Variants in MEGF8 observed in about 807,000 individuals in gnomAD.
MEGF8 encodes multiple epidermal growth factor-like domains protein 8.
Under a neutral mutation model 302.9 loss-of-function variants are expected in MEGF8, and 156 were observed. The observed-to-expected ratio is 0.52, with a 90% CI of 0.45 to 0.59. MEGF8 has a LOEUF of 0.59. Among genes scored for constraint, MEGF8 ranks in the 20% least tolerant of loss-of-function variants. MEGF8 has a pLI of 0.00. For missense variants in MEGF8, 3,345 were observed against 3,964.5 expected (o/e 0.84, Z 4.20); for synonymous variants, 1,621 against 1,660.5 (o/e 0.98, Z 0.58).
chr19:42,329,556 C>G (rs1198858022), intron 1 of MEGF8, among the ~76,000 whole-genome samples: 1 of 152,184 alleles, frequency 6.6e-6, no homozygotes, highest in East Asian at 1.9e-4. Flanking sequence ...ACATCTTCCT[C>G]TATCTATTAT....
At chr19:42,335,893 C>T (rs2039120736) in intron 5 of MEGF8, 38 bp from the exon 6 acceptor site, 5 of 1,437,120 alleles carry the variant, frequency 3.5e-6, no homozygotes, top group Middle Eastern at 2.5e-4. Flanking sequence ...GGCTCTCTTG[C>T]TGTGTCTCTA....
intron 31 of MEGF8, 116 bp downstream of exon 31, chr19:42,359,358 GCTCC>G: frequency 1.1e-6 from 1 of 920,274 alleles, no homozygotes; most frequent in Non-Finnish European, 1.5e-6. Context: ...CACTGGCAGA[GCTCC>G]CGCTCTTCTG....
chr19:42,343,121 C>T (rs192250477), intron 8 of MEGF8, among the ~76,000 whole-genome samples: 18 of 152,216 alleles, frequency 1.2e-4, no homozygotes, highest in African/African-American at 3.6e-4. Context: ...TCCCTGAGGA[C>T]GAGATGATGG....
intron 31 of MEGF8, 32 bp downstream of exon 31, chr19:42,359,274 AG>A: frequency 6.6e-7 from 1 of 1,512,654 alleles, no homozygotes; most frequent in Non-Finnish European, 8.9e-7. Context: ...CAGGAGGCTG[AG>A]GGACATCCAG....
At chr19:42,359,646 T>C (rs577931914) in intron 31 of MEGF8, among the ~76,000 whole-genome samples, 5 of 152,012 alleles carry the variant, frequency 3.3e-5, no homozygotes, top group Non-Finnish European at 7.4e-5. Flanking sequence ...TCTGGGACTG[T>C]CTCCTTTTCT....
chr19:42,346,259 CAA>C (rs2039287069), intron 12 of MEGF8, among the ~76,000 whole-genome samples: 1 of 152,122 alleles, frequency 6.6e-6, no homozygotes. Context: ...ACAGTGACAT[CAA>C]AAGTCATTGG....
At chr19:42,374,242 G>A (rs142945634) in intron 41 of MEGF8, among the ~76,000 whole-genome samples, 5 of 152,136 alleles carry the variant, frequency 3.3e-5, no homozygotes, top group Non-Finnish European at 5.9e-5. Context: ...AGGCTGAGGC[G>A]GGCAGATCAC....
chr19:42,376,377 G>A lies in MEGF8; in HGVS notation c.8140G>A (p.Ala2714Thr), dbSNP rs548176972. The change falls in exon 42 of 42, where the codon GCC (alanine) becomes ACC (threonine). Residue 2714 changes from alanine (A) to threonine (T), a missense_variant. By Grantham distance (58) the Ala-to-Thr change is moderately conservative. Transcript: ENST00000251268. The surrounding 1 kb of genome is among the most constrained non-coding windows in gnomAD (Gnocchi z 8.2). ...FPPDPTAPAS[A>T]WKPAGLPPPA... ...ACCTGACCCTACTGCCCCGGCCTCC[G>A]CCTGGAAGCCGGCTGGGCTCCCACC... 6 of 1,613,166 alleles carry A rather than the reference G, an allele frequency of 3.7e-6. No individual in the cohort carries two copies. The highest frequency in any genetic ancestry group is 2.2e-5 in the East Asian group (1 of 44,866).
At chr19:42,327,044 T>C (rs1685564) in intron 1 of MEGF8, among the ~76,000 whole-genome samples, 1,768 of 152,324 alleles carry the variant, frequency 0.012, 43 homozygotes, top group African/African-American at 0.041. Context: ...GGTGGTTTTC[T>C]TTCTCTGAGG....
In MEGF8 at chr19:42,376,076, CCTG is replaced by C. The variant is rs769425498; in HGVS notation, c.7849_7851del (p.Leu2617del). 1.9e-6 allele frequency: 3 copies of C among 1,605,898 alleles called. No homozygotes were observed. Among genetic ancestry groups the C allele is most frequent in the Non-Finnish European group, 8.5e-7 (1 of 1,179,350 alleles). The stretch of plus-strand genomic sequence containing the variant: ...ATGCCCTCAAGTCGAGCCGCTTCTA[CCTG>C]CTGCTGCTGGGCGTGGGAGACCCAA... On this transcript the variant is annotated inframe_deletion, in exon 42 of 42. Coordinates refer to ENST00000251268, the MANE Select transcript of MEGF8 (RefSeq NM_001271938.2). The surrounding 1 kb of genome is among the most constrained non-coding windows in gnomAD (Gnocchi z 8.2).
Position 42,376,524 on chromosome 19 carries a change from C to G in MEGF8, c.8287C>G (p.Leu2763Val). The G allele has an allele frequency of 6.4e-7, 1 of 1,572,920 alleles. No homozygotes were observed. ...AGCCATCCCCGCCACCACTGCTGGG[C>G]TGCGAGCTGGGCCCATCACTCTCGA... ...PPAIPATTAG[L>V]RAGPITLEPT... Residue 2763 changes from leucine (L) to valine (V), a missense_variant, in exon 42 of 42, where the codon CTG becomes GTG. Transcript: ENST00000251268. The surrounding 1 kb of genome is among the most constrained non-coding windows in gnomAD (Gnocchi z 8.2).
rs1324802571 is a variant in MEGF8, at chr19:42,345,574, C to T, written c.2097+741C>T. Among the ~76,000 whole-genome samples the T allele has an allele frequency of 3.9e-5, 6 of 152,310 alleles. No individual in the cohort carries two copies. In the Middle Eastern group the frequency reaches 0.014, roughly 345 times the overall value. On this transcript the variant is annotated intron_variant, in intron 12 of 41. Transcript: ENST00000251268. ...TTTGTGTCTGGCTTCTTTCACTCAG[C>T]GTAATGTTTTCAAGGCTCATTCATT...
At chr19:42,328,970 G>A (rs1398064093) in intron 1 of MEGF8, among the ~76,000 whole-genome samples, 1 of 152,100 alleles carries the variant, frequency 6.6e-6, no homozygotes, top group African/African-American at 2.4e-5. Context: ...GGAGGGGTGG[G>A]GTGGATGTAC....
chr19:42,326,404 A>G lies in MEGF8; in HGVS notation c.161A>G (p.Asn54Ser), dbSNP rs1433737242. 15 of 1,570,118 alleles carry G rather than the reference A, an allele frequency of 9.6e-6. No individual in the cohort carries two copies. In the Admixed American group the frequency reaches 1.6e-4, roughly 16 times the overall value. ...VTDGAGNYSVNGNCEWLIEAP... is the reference protein window; with the variant it reads ...VTDGAGNYSVSGNCEWLIEAP... ...GATGGTGCGGGCAACTACAGCGTCA[A>G]TGGCAACTGCGAGTGGCTCATCGAG... Residue 54 changes from asparagine (N) to serine (S), a missense_variant, in exon 1 of 42, where the codon AAT (asparagine) becomes AGT (serine). Physicochemically the swap from Asn to Ser is conservative, Grantham distance 46 (BLOSUM62 1). Coordinates refer to ENST00000251268, the MANE Select transcript of MEGF8 (RefSeq NM_001271938.2).
chr19:42,367,553 G>T (rs2039626403), intron 35 of MEGF8, among the ~76,000 whole-genome samples: 1 of 152,142 alleles, frequency 6.6e-6, no homozygotes, highest in Non-Finnish European at 1.5e-5. Flanking sequence ...CTCCCAAAGT[G>T]CTGGGATTAC....
At position 42,326,129 on chromosome 19, in the gene MEGF8, C is replaced by A; in HGVS notation, c.-115C>A. On this transcript the variant is annotated 5_prime_UTR_variant, in exon 1 of 42. It introduces an in-frame stop codon into an upstream open reading frame of the 5' UTR. Coordinates refer to ENST00000251268, the MANE Select transcript of MEGF8 (RefSeq NM_001271938.2). ...GGGTCTCCGGGACCTCTTCGATCTA[C>A]AAGGTCATGTTATGCCTATAGAGGT... is the stretch of plus-strand genomic sequence containing the variant. The A allele has an allele frequency of 7.3e-7, 1 of 1,363,606 alleles. No individual in the cohort carries two copies. Among genetic ancestry groups the A allele is most frequent in the Non-Finnish European group, 9.5e-7 (1 of 1,058,188 alleles). 84.5% of individuals were successfully genotyped at this position (1,363,606 alleles called of 1,614,324 possible). A position where few individuals can be genotyped will look rare whatever the true frequency, so the allele number is the denominator to read the frequency against.
chr19:42,356,548 A>C lies in MEGF8; in HGVS notation c.4622+95A>C. On this transcript the variant is annotated intron_variant, in intron 26 of 41. Coordinates refer to ENST00000251268, the MANE Select transcript of MEGF8 (RefSeq NM_001271938.2). The surrounding 1 kb of genome is among the most constrained non-coding windows in gnomAD (Gnocchi z 5.2). ...TCAGAGGAGTGCAGAAAAGCCTCTAAGGTAAAGGACAGCCCAAAGGATGCT... is the reference window on the plus strand; with the variant it reads ...TCAGAGGAGTGCAGAAAAGCCTCTACGGTAAAGGACAGCCCAAAGGATGCT... 9.1e-7 allele frequency: 1 copy of C among 1,104,602 alleles called. No individual in the cohort carries two copies. The highest frequency in any genetic ancestry group is 1.3e-6 in the Non-Finnish European group (1 of 789,784). 68.4% of individuals were successfully genotyped at this position (1,104,602 alleles called of 1,614,324 possible).
At chr19:42,330,485 G>A (rs923680773) in intron 1 of MEGF8, among the ~76,000 whole-genome samples, 5 of 152,234 alleles carry the variant, frequency 3.3e-5, no homozygotes, top group African/African-American at 7.2e-5. Context: ...TTGTGTGGCC[G>A]TGCTGAATGG....
rs2147476590 is a variant in MEGF8 at position 42,351,651 on chromosome 19, A to G, written c.2991A>G (p.Val997=). 2 of 1,589,730 alleles carry G rather than the reference A, an allele frequency of 1.3e-6. No individual in the cohort carries two copies. Among genetic ancestry groups the G allele is most frequent in the Non-Finnish European group, 1.7e-6 (2 of 1,168,720 alleles). The change falls in exon 18 of 42, where the codon GTA becomes GTG. Residue 997 remains valine (V), a synonymous_variant. Transcript: ENST00000251268. This position sits in a 1 kb window ranked among gnomAD's most constrained non-coding sequence, Gnocchi z 5.6. ...HGGCRGWDDS[V]HSEPRCRSCD... ...CCCCACCCCTGCCATCCTGCAGTGT[A>G]CACTCGGAGCCACGGTGCCGGAGCT...
Sources: allele counts gnomAD v4.1 joint callset (sites outside exome capture counted in the v4.1 genomes callset), GRCh38; gene constraint gnomAD v4.1.1; non-coding constraint Gnocchi (gnomAD v3.1); transcripts MANE v1.5; gene names NCBI Gene and HGNC (gene_info 2026-07-23, HGNC 2026-07-21).